The following TRPM3 variants were observed in gnomAD, a reference collection of about 807,000 sequenced individuals.
TRPM3 encodes long transient receptor potential channel 3.
Under a neutral mutation model 181.2 loss-of-function variants are expected in TRPM3, and 77 were observed. The observed-to-expected ratio is 0.42, with a 90% CI of 0.35 to 0.51. The LOEUF is 0.51. Among genes scored for constraint, TRPM3 ranks in the 20% least tolerant of loss-of-function variants. The pLI is 0.01. For synonymous variants in TRPM3, 745 were observed against 796.4 expected (o/e 0.94, Z 1.09); for missense variants, 1,759 against 2,196.7 (o/e 0.80, Z 3.98).
intron 1 of TRPM3, among the ~76,000 whole-genome samples, chr9:70,871,651 T>C (rs561298664): frequency 6.6e-6 from 1 of 152,170 alleles, no homozygotes; most frequent in African/African-American, 2.4e-5. Context: ...CAAAGAGACT[T>C]GTAGCTCTAG....
intron 9 of TRPM3, among the ~76,000 whole-genome samples, chr9:70,643,258 G>C (rs1294341477): frequency 6.6e-6 from 1 of 152,158 alleles, no homozygotes; most frequent in Non-Finnish European, 1.5e-5. Flanking sequence ...ATTGCATTTG[G>C]AAAGGTAGCA....
chr9:71,133,972 TTTGTGTG>T, intron 1 of TRPM3, among the ~76,000 whole-genome samples: 1 of 83,568 alleles, frequency 1.2e-5, no homozygotes, highest in East Asian at 3.4e-4. Flanking sequence ...ACTGTGTGTG[TTTGTGTG>T]TGTGTGTGTG....
At chr9:71,318,795 TTATG>T (rs1457286296) in intron 1 of TRPM3, among the ~76,000 whole-genome samples, 2 of 152,184 alleles carry the variant, frequency 1.3e-5, no homozygotes, top group Admixed American at 1.3e-4. Context: ...AAGATAAACT[TTATG>T]TATTTACAGT....
chr9:71,239,258 T>C (rs1432734792), intron 1 of TRPM3, among the ~76,000 whole-genome samples: 1 of 152,152 alleles, frequency 6.6e-6, no homozygotes, highest in Non-Finnish European at 1.5e-5. Flanking sequence ...TTGAAAAGTT[T>C]CTCACAGGTA....
chr9:71,091,763 T>G (rs1300533291), intron 1 of TRPM3, among the ~76,000 whole-genome samples: 2 of 152,114 alleles, frequency 1.3e-5, no homozygotes, highest in Non-Finnish European at 2.9e-5. Context: ...GTTACATGTA[T>G]TGATAAAGAA....
intron 1 of TRPM3, among the ~76,000 whole-genome samples, chr9:71,049,178 A>G (rs1236238702): frequency 3.3e-5 from 5 of 152,046 alleles, no homozygotes; most frequent in Non-Finnish European, 7.4e-5. Flanking sequence ...GGCATTATAC[A>G]TGACTCCATT....
chr9:71,121,706 T>C (rs2134394801), upstream of TRPM3: 2 of 958,148 alleles, frequency 2.1e-6, no homozygotes, highest in Non-Finnish European at 2.5e-6. Flanking sequence ...CTAGCTTGGT[T>C]TGGGGGGGAG....
At chr9:71,192,278 A>C (rs1418328253) in intron 1 of TRPM3, among the ~76,000 whole-genome samples, 1 of 151,854 alleles carries the variant, frequency 6.6e-6, no homozygotes, top group Non-Finnish European at 1.5e-5. Context: ...TTGAATGAAT[A>C]CAAGAGAGTA....
At chr9:71,325,523 T>C (rs1005108354) in intron 1 of TRPM3, among the ~76,000 whole-genome samples, 1 of 152,120 alleles carries the variant, frequency 6.6e-6, no homozygotes, top group Non-Finnish European at 1.5e-5. Context: ...AGATTATAAA[T>C]GATAAAATCC....
At chr9:70,923,311 T>G (rs1424816287) in intron 1 of TRPM3, among the ~76,000 whole-genome samples, 1 of 152,190 alleles carries the variant, frequency 6.6e-6, no homozygotes, top group Non-Finnish European at 1.5e-5. Flanking sequence ...ACTGCAATTT[T>G]GCAGGTTTTG....
chr9:70,850,645 A>G (rs1166957825), intron 3 of TRPM3, among the ~76,000 whole-genome samples: 1 of 152,204 alleles, frequency 6.6e-6, no homozygotes, highest in Non-Finnish European at 1.5e-5. Context: ...CTGTGCCTGT[A>G]CACTGCTACT....
intron 1 of TRPM3, among the ~76,000 whole-genome samples, chr9:71,356,495 G>T (rs929586860): frequency 6.6e-6 from 1 of 152,082 alleles, no homozygotes; most frequent in Non-Finnish European, 1.5e-5. Context: ...AGGAGGATGG[G>T]CCTGAATTCA....
intron 1 of TRPM3, among the ~76,000 whole-genome samples, chr9:71,348,574 A>G (rs922591614): frequency 2.0e-5 from 3 of 147,358 alleles, no homozygotes; most frequent in Admixed American, 6.8e-5. Context: ...TTATTTATTT[A>G]TTTTTTATTT....
rs1379626355 is a variant in TRPM3, at chr9:70,530,016, T to C, written c.*5937A>G. On this transcript the variant is annotated 3_prime_UTR_variant, in exon 26 of 26. Coordinates refer to ENST00000677713, the MANE Select transcript of TRPM3 (RefSeq NM_001366145.2). ...CAGTCTATGTGCAGATGGCTGGTTT[T>C]AATGATGTGTGGGAAGCTGCGGTGA... The C allele has an allele frequency of 2.0e-5, 3 of 152,240 alleles. No homozygotes were observed. The highest frequency in any genetic ancestry group is 7.2e-5 in the African/African-American group (3 of 41,456). The allele number at this position is 152,240 out of a possible 1,614,324, so 9.4% of individuals were successfully genotyped here.
intron 12 of TRPM3, among the ~76,000 whole-genome samples, chr9:70,634,723 A>AAG (rs923702657): frequency 1.3e-5 from 2 of 151,990 alleles, no homozygotes; most frequent in Admixed American, 1.3e-4. Context: ...TTCTGGAAAA[A>AAG]ATAGAATGTT....
At chr9:70,876,357 G>A (rs1375291914) in intron 1 of TRPM3, among the ~76,000 whole-genome samples, 4 of 150,346 alleles carry the variant, frequency 2.7e-5, no homozygotes, top group South Asian at 2.1e-4. Context: ...TAAATTTGAT[G>A]CATGTAGAAA....
chr9:70,935,081 T>C (rs1196165279), intron 1 of TRPM3, among the ~76,000 whole-genome samples: 1 of 152,138 alleles, frequency 6.6e-6, no homozygotes, highest in Non-Finnish European at 1.5e-5. Flanking sequence ...CATGCCCTAC[T>C]TTGCAAACCC....
chr9:71,339,841 TA>T (rs1172079477), intron 1 of TRPM3, among the ~76,000 whole-genome samples: 1 of 152,084 alleles, frequency 6.6e-6, no homozygotes, highest in Non-Finnish European at 1.5e-5. Context: ...ATGCATTTGA[TA>T]AAATTCAGAA....
At chr9:70,827,797 T>A (rs746716561) in intron 6 of TRPM3, 50 bp downstream of exon 6, 6 of 1,587,936 alleles carry the variant, frequency 3.8e-6, no homozygotes, top group Admixed American at 1.7e-5. Context: ...AGTTATTCAC[T>A]TTCAGCATAC....
Sources: allele counts gnomAD v4.1 joint callset (sites outside exome capture counted in the v4.1 genomes callset), GRCh38; gene constraint gnomAD v4.1.1; transcripts MANE v1.5; gene names NCBI Gene and HGNC (gene_info 2026-07-23, HGNC 2026-07-21).